TMEM132B: variants seen among roughly 807,000 people sequenced by gnomAD.
TMEM132B encodes transmembrane protein 132B.
TMEM132B carries 18 observed loss-of-function variants against 90.8 expected under a neutral mutation model. That is an observed-to-expected ratio of 0.20 (90% CI 0.14 to 0.29). The LOEUF (loss-of-function observed/expected upper bound fraction) is 0.29, where lower values mean the gene tolerates loss of function less well. Among genes scored for constraint, TMEM132B ranks in the 10% least tolerant of loss-of-function variants. TMEM132B has a pLI of 1.00. For synonymous variants in TMEM132B, 504 were observed against 523.3 expected (o/e 0.96, Z 0.50); for missense variants, 1,096 against 1,326.8 (o/e 0.83, Z 2.70).
intron 1 of TMEM132B, among the ~76,000 whole-genome samples, chr12:125,287,829 A>T (rs986163217): frequency 5.3e-5 from 8 of 151,990 alleles, no homozygotes; most frequent in African/African-American, 1.9e-4. Context: ...ATTATTCTAT[A>T]CCTCTTAGAT....
At chr12:125,441,620 G>A (rs1203063437) in intron 3 of TMEM132B, among the ~76,000 whole-genome samples, 1 of 152,208 alleles carries the variant, frequency 6.6e-6, no homozygotes, top group African/African-American at 2.4e-5. Flanking sequence ...CCCTATTGGG[G>A]TCTGACAGAG....
intron 2 of TMEM132B, among the ~76,000 whole-genome samples, chr12:125,375,763 C>T (rs796334802): frequency 9.8e-5 from 15 of 152,324 alleles, no homozygotes; most frequent in African/African-American, 3.6e-4. Context: ...TTAGTGAGAC[C>T]AGCACATGAA....
intron 1 of TMEM132B, among the ~76,000 whole-genome samples, chr12:125,291,534 C>T (rs1875540156): frequency 6.6e-6 from 1 of 152,172 alleles, no homozygotes; most frequent in Admixed American, 6.5e-5. Flanking sequence ...GAGCTGAGAG[C>T]AGCCCCTGGC....
intron 2 of TMEM132B, among the ~76,000 whole-genome samples, chr12:125,358,689 A>G (rs970478108): frequency 1.3e-5 from 2 of 152,190 alleles, no homozygotes; most frequent in African/African-American, 2.4e-5. Context: ...TCAGTGCACC[A>G]TATCAGGAGG....
chr12:125,396,443 A>G (rs1472748488), intron 2 of TMEM132B, among the ~76,000 whole-genome samples: 2 of 152,190 alleles, frequency 1.3e-5, no homozygotes, highest in African/African-American at 2.4e-5. Flanking sequence ...CTCTGTTCTA[A>G]GCACTTTGTA....
At chr12:125,381,990 C>T (rs983792179) in intron 2 of TMEM132B, among the ~76,000 whole-genome samples, 4 of 152,148 alleles carry the variant, frequency 2.6e-5, no homozygotes, top group Non-Finnish European at 5.9e-5. Context: ...ATTACTTTCC[C>T]TGGATCTTAG....
At chr12:125,298,389 A>G (rs1235670655) in intron 1 of TMEM132B, among the ~76,000 whole-genome samples, 1 of 148,850 alleles carries the variant, frequency 6.7e-6, no homozygotes, top group Non-Finnish European at 1.5e-5. Context: ...AGAGTGTTAC[A>G]TCGGCAGGGC....
At chr12:125,531,667 A>G (rs1883650014) in intron 4 of TMEM132B, among the ~76,000 whole-genome samples, 1 of 152,224 alleles carries the variant, frequency 6.6e-6, no homozygotes, top group African/African-American at 2.4e-5. Context: ...CTCTAATATA[A>G]CAGAATGAGC....
At chr12:125,236,948 A>C (rs773413743) in intron 1 of TMEM132B, among the ~76,000 whole-genome samples, 11 of 152,218 alleles carry the variant, frequency 7.2e-5, no homozygotes, top group Admixed American at 1.3e-4. Flanking sequence ...GGAGTGGAGC[A>C]GGAGAGGGAG....
chr12:125,541,017 C>T (rs980905116), intron 4 of TMEM132B, among the ~76,000 whole-genome samples: 2 of 152,210 alleles, frequency 1.3e-5, no homozygotes, highest in African/African-American at 4.8e-5. Context: ...TTCCTGTTCC[C>T]TCTGCCTGGC....
intron 3 of TMEM132B, among the ~76,000 whole-genome samples, chr12:125,484,724 A>G (rs1159053619): frequency 6.6e-6 from 1 of 152,020 alleles, no homozygotes; most frequent in Non-Finnish European, 1.5e-5. Flanking sequence ...TTGATCTCCC[A>G]GGCTCAAGCA....
chr12:125,354,889 G>GTGTTA (rs1392483521), intron 2 of TMEM132B, among the ~76,000 whole-genome samples: 4 of 152,110 alleles, frequency 2.6e-5, no homozygotes, highest in Admixed American at 2.0e-4. Flanking sequence ...TTCCCTCACT[G>GTGTTA]TGTTATCACA....
At chr12:125,296,114 T>C (rs949122200) in intron 1 of TMEM132B, among the ~76,000 whole-genome samples, 3 of 152,238 alleles carry the variant, frequency 2.0e-5, no homozygotes, top group Non-Finnish European at 2.9e-5. Flanking sequence ...CTCTCCTTCC[T>C]CTGCTCAGAA....
At chr12:125,575,821 C>A (rs2079303) in intron 4 of TMEM132B, among the ~76,000 whole-genome samples, 81,438 of 151,518 alleles carry the variant, frequency 0.54, 24,818 homozygotes, top group Middle Eastern at 0.77. Context: ...AAAAACTATT[C>A]TTTCACCATT....
intron 3 of TMEM132B, among the ~76,000 whole-genome samples, chr12:125,451,613 C>T (rs779429847): frequency 6.8e-6 from 1 of 146,522 alleles, no homozygotes; most frequent in Non-Finnish European, 1.5e-5. Flanking sequence ...CCTGTGGGTC[C>T]AGTTCTGTGG....
At chr12:125,230,657 T>C (rs1201716621) in intron 1 of TMEM132B, among the ~76,000 whole-genome samples, 3 of 151,056 alleles carry the variant, frequency 2.0e-5, no homozygotes, top group Non-Finnish European at 3.0e-5. Flanking sequence ...ATTTTTGTGG[T>C]TTTTTTGTGT....
intron 1 of TMEM132B, among the ~76,000 whole-genome samples, chr12:125,248,238 T>C (rs920356371): frequency 3.9e-5 from 6 of 152,108 alleles, no homozygotes; most frequent in Non-Finnish European, 1.5e-5. Context: ...GAGGAAAAAT[T>C]AGGAGCTAGC....
intron 3 of TMEM132B, among the ~76,000 whole-genome samples, chr12:125,517,757 A>G (rs1048172819): frequency 1.1e-4 from 16 of 152,090 alleles, no homozygotes; most frequent in African/African-American, 3.9e-4. Context: ...AGAAAGACCA[A>G]TATTATTGTT....
chr12:125,636,640 CT>C (rs1886487821), intron 5 of TMEM132B, among the ~76,000 whole-genome samples: 1 of 152,174 alleles, frequency 6.6e-6, no homozygotes, highest in African/African-American at 2.4e-5. Context: ...GTTTCCTTCC[CT>C]TTAGATGCAA....
Sources: allele counts gnomAD v4.1 joint callset (sites outside exome capture counted in the v4.1 genomes callset), GRCh38; gene constraint gnomAD v4.1.1; transcripts MANE v1.5; gene names NCBI Gene and HGNC (gene_info 2026-07-23, HGNC 2026-07-21).